Variants in LEMD3 observed in about 807,000 individuals in gnomAD.
LEMD3 encodes the protein LEM domain containing 3, also known as inner nuclear membrane protein Man1.
In LEMD3, 33 loss-of-function variants were observed where a neutral mutation model predicts 95.2. The ratio of observed to expected loss-of-function variants is 0.35; its 90% CI spans 0.26 to 0.46. LEMD3 has a LOEUF of 0.46. LEMD3 is among the 20% of genes least tolerant of loss of function. The probability of loss-of-function intolerance (pLI) is 1.00; values close to 1 mark genes in which losing one functional copy is unlikely to be tolerated. For missense variants in LEMD3, 1,210 were observed against 1,192.8 expected (o/e 1.01, Z -0.21); for synonymous variants, 525 against 474.6 (o/e 1.11, Z -1.38).
chr12:65,200,567 T>A (rs1166325224), intron 1 of LEMD3, among the ~76,000 whole-genome samples: 3 of 152,168 alleles, frequency 2.0e-5, no homozygotes, highest in African/African-American at 7.2e-5. Context: ...GGTATCTCAT[T>A]ATTTTAATTT....
chr12:65,229,611 A>G (rs1415342611), intron 4 of LEMD3, among the ~76,000 whole-genome samples: 1 of 151,882 alleles, frequency 6.6e-6, no homozygotes, highest in East Asian at 1.9e-4. Context: ...TGTGGTTTTG[A>G]TTTGTATTTC....
At chr12:65,179,269 CAT>C (rs1868827970) in intron 1 of LEMD3, among the ~76,000 whole-genome samples, 1 of 151,908 alleles carries the variant, frequency 6.6e-6, no homozygotes. Context: ...CCTTTATACT[CAT>C]ATATGTTTTA....
chr12:65,222,165 G>T (rs571764605), intron 4 of LEMD3, among the ~76,000 whole-genome samples: 1 of 152,204 alleles, frequency 6.6e-6, no homozygotes, highest in Admixed American at 6.5e-5. Flanking sequence ...TATCATGAAA[G>T]GATATTTAAT....
At chr12:65,208,516 A>G (rs1409028459) in intron 1 of LEMD3, among the ~76,000 whole-genome samples, 5 of 152,092 alleles carry the variant, frequency 3.3e-5, no homozygotes, top group African/African-American at 1.2e-4. Flanking sequence ...TATTTTCACT[A>G]GGGGTAACAG....
In LEMD3 at chr12:65,171,544, A is replaced by C. The variant is rs2136314001; in HGVS notation, c.1522+426A>C. The C allele has an allele frequency of 1.5e-5, 3 of 204,994 alleles. No homozygotes were observed. In the East Asian group the frequency reaches 3.4e-4, roughly 23 times the overall value. The allele number at this position is 204,994 out of a possible 1,614,324, so 12.7% of individuals were successfully genotyped here. ...AATAGGCAATGTAATAGCTCTTGAA[A>C]TTCGAATTATTTTATAATATTAACT... On this transcript the variant is annotated intron_variant, in intron 1 of 12. Transcript: ENST00000308330.
At chr12:65,198,196 C>T (rs910159711) in intron 1 of LEMD3, among the ~76,000 whole-genome samples, 1 of 152,052 alleles carries the variant, frequency 6.6e-6, no homozygotes, top group Non-Finnish European at 1.5e-5. Context: ...GTTATAGTCT[C>T]CAGTGTGTAA....
At chr12:65,177,154 G>A (rs892797713) in intron 1 of LEMD3, among the ~76,000 whole-genome samples, 1 of 152,160 alleles carries the variant, frequency 6.6e-6, no homozygotes, top group Non-Finnish European at 1.5e-5. Context: ...ATTTTATTCT[G>A]TAGGTTGAGT....
chr12:65,180,557 T>C (rs963532616), intron 1 of LEMD3, among the ~76,000 whole-genome samples: 1 of 152,120 alleles, frequency 6.6e-6, no homozygotes, highest in Non-Finnish European at 1.5e-5. Context: ...TCTCTAAAAA[T>C]AGAATAATGC....
rs369133002 is a variant in LEMD3 at position 65,239,940 on chromosome 12, G to A, written c.1933G>A (p.Val645Ile). The A allele has an allele frequency of 6.2e-7, 1 of 1,607,384 alleles. No individual in the cohort carries two copies. The highest frequency in any genetic ancestry group is 8.5e-7 in the Non-Finnish European group (1 of 1,174,160). Residue 645 changes from valine (V) to isoleucine (I), a missense_variant, in exon 7 of 13, where the codon GTT becomes ATT. By Grantham distance (29) the Val-to-Ile change is conservative (BLOSUM62 3). This residue lies in a region of LEMD3 where 461 missense variants were observed against 569.8 expected (regional missense o/e 0.81). Transcript: ENST00000308330. The stretch of plus-strand genomic sequence containing the variant: ...TATTAATATTACAGGTGTAGTGATG[G>A]TTTGTGTCGTTCTGCGTTACATGAA... ...LLLLCLGVVM[V>I]CVVLRYMKYR...
intron 1 of LEMD3, among the ~76,000 whole-genome samples, chr12:65,206,852 A>G (rs945779491): frequency 4.6e-5 from 7 of 152,260 alleles, no homozygotes; most frequent in African/African-American, 1.7e-4. Flanking sequence ...TAACCAAATT[A>G]ATGATTCAAA....
chr12:65,232,340 G>A (rs1342805517), intron 4 of LEMD3, among the ~76,000 whole-genome samples: 1 of 152,124 alleles, frequency 6.6e-6, no homozygotes, highest in Non-Finnish European at 1.5e-5. Context: ...ACACATTTAA[G>A]TTTTTAGATT....
At chr12:65,237,193 C>G (rs148603536) in intron 4 of LEMD3, among the ~76,000 whole-genome samples, 205 of 152,044 alleles carry the variant, frequency 1.3e-3, no homozygotes, top group African/African-American at 4.2e-3. Flanking sequence ...TGAAAAATAA[C>G]TTTTCCAGAA....
rs770986606 is a variant in LEMD3 at position 65,218,634 on chromosome 12, T to C, written c.1695+15T>C. On this transcript the variant is annotated intron_variant, in intron 4 of 12. Transcript: ENST00000308330. ...CGTATTTAAAAGTAAGCAATGAAAT[T>C]AGAATTTTAATAGCTATATTTTAAA... 27 of 1,532,004 alleles carry C rather than the reference T, an allele frequency of 1.8e-5. No individual in the cohort carries two copies. Among genetic ancestry groups the C allele is most frequent in the Admixed American group, 3.4e-5 (2 of 59,260 alleles). The allele number at this position is 1,532,004 out of a possible 1,614,324, so 94.9% of individuals were successfully genotyped here. A position where few individuals can be genotyped will look rare whatever the true frequency, so the allele number is the denominator to read the frequency against.
At chr12:65,230,470 CCTT>C (rs1417424358) in intron 4 of LEMD3, among the ~76,000 whole-genome samples, 1 of 151,160 alleles carries the variant, frequency 6.6e-6, no homozygotes, top group Non-Finnish European at 1.5e-5. Flanking sequence ...ATATCTTTTA[CCTT>C]CTTGGTTAAA....
At chr12:65,243,042 C>T (rs1232763392) in intron 9 of LEMD3, among the ~76,000 whole-genome samples, 1 of 152,144 alleles carries the variant, frequency 6.6e-6, no homozygotes, top group Non-Finnish European at 1.5e-5. Flanking sequence ...CCTCTCTTCA[C>T]CCTGCTAATT....
intron 3 of LEMD3, among the ~76,000 whole-genome samples, chr12:65,217,430 G>C (rs750612672): frequency 2.6e-5 from 4 of 152,198 alleles, no homozygotes; most frequent in Admixed American, 6.5e-5. Flanking sequence ...TTGTTCATCT[G>C]ATAGGTACTT....
chr12:65,169,893 C>T lies in LEMD3; in HGVS notation c.297C>T (p.Ser99=), dbSNP rs1047205757. 3 of 1,452,082 alleles carry T rather than the reference C, an allele frequency of 2.1e-6. No homozygotes were observed. Among genetic ancestry groups the T allele is most frequent in the Non-Finnish European group, 2.7e-6 (3 of 1,102,374 alleles). The allele number at this position is 1,452,082 out of a possible 1,614,324, so 89.9% of individuals were successfully genotyped here. ...TCCGGCCGGTCTCGGGCGACCTCTC[C>T]TACTTACGGACTCCTGGGGGCCTGT... The part of the protein sequence containing the change: ...MGVRPVSGDL[S]YLRTPGGLCR... The change falls in exon 1 of 13, where the codon TCC becomes TCT. Residue 99 remains serine (S), a synonymous_variant. Coordinates refer to ENST00000308330, the MANE Select transcript of LEMD3 (RefSeq NM_014319.5).
intron 4 of LEMD3, among the ~76,000 whole-genome samples, chr12:65,220,540 T>G (rs1870252375): frequency 1.3e-5 from 2 of 152,052 alleles, no homozygotes; most frequent in African/African-American, 2.4e-5. Flanking sequence ...TATTCACTGT[T>G]TTTTTTTACT....
chr12:65,171,074 T>C lies in LEMD3; in HGVS notation c.1478T>C (p.Leu493Pro). 6.2e-7 allele frequency: 1 copy of C among 1,613,850 alleles called. No homozygotes were observed. ...LFFLILGLTY[L>P]GMRGTGVSED... ...TTCCTAATACTGGGACTGACTTACC[T>C]AGGAATGAGAGGGACAGGAGTATCT... Residue 493 changes from leucine to proline, a missense_variant, in exon 1 of 13, where the codon CTA becomes CCA. Transcript: ENST00000308330.
Sources: gnomAD v4.1 joint callset for allele counts (sites outside exome capture counted in the v4.1 genomes callset) on GRCh38, gnomAD v4.1.1 for gene constraint, gnomAD v4.1.1 regional missense constraint, MANE v1.5 for transcripts, NCBI Gene and HGNC (gene_info 2026-07-23, HGNC 2026-07-21) for gene names.